GRID2: variants seen among roughly 807,000 people sequenced by gnomAD.
GRID2 encodes glutamate ionotropic receptor delta type subunit 2.
GRID2 carries 33 observed loss-of-function variants against 114.8 expected under a neutral mutation model. The observed-to-expected ratio is 0.29, with a 90% CI of 0.22 to 0.38. GRID2 has a LOEUF of 0.38. Among genes scored for constraint, GRID2 ranks in the 10% least tolerant of loss-of-function variants. The pLI is 1.00. For missense variants in GRID2, 1,184 were observed against 1,257.7 expected, an observed-to-expected ratio of 0.94 and a Z score of 0.89; for synonymous variants, 505 against 449.9, an observed-to-expected ratio of 1.12 and a Z score of -1.55.
chr4:93,709,449 T>G (rs1330922290), intron 14 of GRID2, among the ~76,000 whole-genome samples: 1 of 152,176 alleles, frequency 6.6e-6, no homozygotes, highest in Non-Finnish European at 1.5e-5. Context: ...TGAAACCAGA[T>G]GTATTGGAGG....
intron 8 of GRID2, among the ~76,000 whole-genome samples, chr4:93,378,738 T>C (rs1460129005): frequency 6.6e-6 from 1 of 152,122 alleles, no homozygotes; most frequent in Admixed American, 6.6e-5. Context: ...TGCCCAAGTG[T>C]CTTTTCTGAA....
At position 92,924,908 on chromosome 4, in the gene GRID2, T is replaced by G. The variant is rs79811457; in HGVS notation, c.245-160087T>G. 2.7e-3 allele frequency among the ~76,000 whole-genome samples: 406 copies of G among 152,236 alleles called. 1 individual carries two copies. Among genetic ancestry groups the G allele is most frequent in the Middle Eastern group, 0.014 (4 of 294 alleles). ...GGAAGCTGTTAATGTGAGATAATAT[T>G]ACAAACTCTTCTGTTTCTGACCTGC... On this transcript the variant is annotated intron_variant, in intron 2 of 15. Coordinates refer to ENST00000282020, the MANE Select transcript of GRID2 (RefSeq NM_001510.4).
chr4:93,026,075 GAGA>G (rs886562980), intron 2 of GRID2, among the ~76,000 whole-genome samples: 4 of 151,694 alleles, frequency 2.6e-5, no homozygotes, highest in Non-Finnish European at 5.9e-5. Context: ...CTTTCACTGA[GAGA>G]AGTAGTGTAA....
intron 1 of GRID2, among the ~76,000 whole-genome samples, chr4:92,465,664 A>G (rs1162145216): frequency 2.6e-5 from 4 of 152,084 alleles, no homozygotes; most frequent in Non-Finnish European, 5.9e-5. Flanking sequence ...TTTGCAGTTC[A>G]TAAAGCAACA....
At chr4:93,625,690 C>T (rs1009854717) in intron 13 of GRID2, among the ~76,000 whole-genome samples, 5 of 152,032 alleles carry the variant, frequency 3.3e-5, no homozygotes, top group Non-Finnish European at 7.4e-5. Flanking sequence ...CCGAGGCGGG[C>T]GGATTACGAG....
intron 2 of GRID2, among the ~76,000 whole-genome samples, chr4:92,601,033 G>A (rs1439338193): frequency 6.6e-6 from 1 of 151,708 alleles, no homozygotes; most frequent in Non-Finnish European, 1.5e-5. Context: ...CCCCCAAAGG[G>A]CTTAACCCCA....
intron 2 of GRID2, among the ~76,000 whole-genome samples, chr4:92,778,886 T>C (rs1479432563): frequency 2.0e-5 from 3 of 152,032 alleles, no homozygotes; most frequent in African/African-American, 7.2e-5. Flanking sequence ...TTATAACTCT[T>C]TATTATATAA....
intron 1 of GRID2, among the ~76,000 whole-genome samples, chr4:92,560,812 T>G (rs1727069886): frequency 6.6e-6 from 1 of 152,080 alleles, no homozygotes; most frequent in African/African-American, 2.4e-5. Context: ...GTACAAGTGA[T>G]TCTGCTGCCC....
At chr4:92,823,428 A>G (rs1264918187) in intron 2 of GRID2, among the ~76,000 whole-genome samples, 1 of 152,156 alleles carries the variant, frequency 6.6e-6, no homozygotes, top group Admixed American at 6.6e-5. Flanking sequence ...AACTTATTGA[A>G]TCCGTAATAG....
rs573723252 is a variant in GRID2 at position 93,625,732 on chromosome 4, G to A, written c.2194-537G>A. On this transcript the variant is annotated intron_variant, in intron 13 of 15. Transcript: ENST00000282020. ...AGATTGAGACCATCCTGGCTAACAC[G>A]GTGAAACCCCAGCTCTACTAAAAAT... 3.3e-5 allele frequency among the ~76,000 whole-genome samples: 5 copies of A among 152,238 alleles called. No individual in the cohort carries two copies. In the East Asian group the frequency reaches 9.7e-4, roughly 29 times the overall value.
intron 14 of GRID2, among the ~76,000 whole-genome samples, chr4:93,692,326 G>A (rs1006752526): frequency 1.3e-5 from 2 of 152,070 alleles, no homozygotes; most frequent in African/African-American, 4.8e-5. Flanking sequence ...AGCTTTCCAG[G>A]CAGAGCAAAC....
At chr4:92,976,359 T>C (rs964162259) in intron 2 of GRID2, among the ~76,000 whole-genome samples, 3 of 152,120 alleles carry the variant, frequency 2.0e-5, no homozygotes, top group African/African-American at 7.2e-5. Flanking sequence ...CATGCATGTC[T>C]GTTGTACCTA....
At chr4:93,072,224 C>G (rs1728872967) in intron 2 of GRID2, among the ~76,000 whole-genome samples, 1 of 151,756 alleles carries the variant, frequency 6.6e-6, no homozygotes, top group Non-Finnish European at 1.5e-5. Context: ...TCAAAGTAAC[C>G]AAATAACCCA....
chr4:93,533,270 C>T (rs1351476101), intron 13 of GRID2, among the ~76,000 whole-genome samples: 1 of 91,686 alleles, frequency 1.1e-5, no homozygotes, highest in Non-Finnish European at 2.4e-5. Flanking sequence ...TCCTTCCTTC[C>T]TTCCTTCCTT....
rs138821553 is a variant in GRID2, at chr4:93,213,154, G to A, written c.790-3584G>A. On this transcript the variant is annotated intron_variant, in intron 5 of 15. Transcript: ENST00000282020. ...TGTTTTTAATTTTTTCTAGTTTAAT[G>A]ATGAATTGAACTGCTCACTTCTAAG... 4.9e-3 allele frequency among the ~76,000 whole-genome samples: 740 copies of A among 152,190 alleles called. 7 individuals carry two copies. The highest frequency in any genetic ancestry group is 0.017 in the African/African-American group (714 of 41,530).
chr4:93,395,560 G>A (rs748920492), intron 8 of GRID2, 47 bp from the exon 9 acceptor site: 2 of 821,116 alleles, frequency 2.4e-6, no homozygotes, highest in African/African-American at 1.7e-5. Flanking sequence ...GAGGTGATGG[G>A]ACTGTTCTTC....
At chr4:93,293,870 T>C (rs559245048) in intron 8 of GRID2, among the ~76,000 whole-genome samples, 35 of 152,316 alleles carry the variant, frequency 2.3e-4, no homozygotes, top group Middle Eastern at 3.4e-3. Context: ...CCAAATGATA[T>C]GGCAGTGAAC....
chr4:93,083,485 A>C (rs761720585), intron 2 of GRID2, among the ~76,000 whole-genome samples: 9 of 151,988 alleles, frequency 5.9e-5, no homozygotes, highest in Non-Finnish European at 1.3e-4. Flanking sequence ...CAACATCAGG[A>C]GTTCCAGACC....
At chr4:92,860,027 T>C (rs1442821726) in intron 2 of GRID2, among the ~76,000 whole-genome samples, 2 of 152,162 alleles carry the variant, frequency 1.3e-5, no homozygotes, top group Non-Finnish European at 2.9e-5. Context: ...AGAAGAAGAA[T>C]GGAGTAATAA....
Sources: gnomAD v4.1 joint callset for allele counts (sites outside exome capture counted in the v4.1 genomes callset) on GRCh38, gnomAD v4.1.1 for gene constraint, MANE v1.5 for transcripts, NCBI Gene and HGNC (gene_info 2026-07-23, HGNC 2026-07-21) for gene names.